Variants in USH2A observed in about 807,000 individuals in gnomAD.
USH2A encodes the protein usherin.
Under a neutral mutation model 538.9 loss-of-function variants are expected in USH2A, and 443 were observed. That is an observed-to-expected ratio of 0.82 (90% CI 0.76 to 0.89). The LOEUF (loss-of-function observed/expected upper bound fraction) is 0.89, where lower values mean the gene tolerates loss of function less well. Ranked by LOEUF, USH2A falls within the 40% of genes least tolerant of loss-of-function variation. USH2A has a pLI of 0.00. For missense variants in USH2A, 6,633 were observed against 6,324.8 expected, an observed-to-expected ratio of 1.05 and a Z score of -1.65; for synonymous variants, 2,413 against 2,273.5, an observed-to-expected ratio of 1.06 and a Z score of -1.75.
chr1:215,679,517 A>T (rs543453380), intron 62 of USH2A, among the ~76,000 whole-genome samples: 1 of 152,196 alleles, frequency 6.6e-6, no homozygotes, highest in Non-Finnish European at 1.5e-5. Context: ...GAGGTAGATG[A>T]AGGCTGGTTT....
intron 3 of USH2A, among the ~76,000 whole-genome samples, chr1:216,392,413 C>T (rs2039126597): frequency 6.6e-6 from 1 of 150,784 alleles, no homozygotes; most frequent in Admixed American, 6.6e-5. Context: ...AATGGCATGA[C>T]CCCAAGAGGC....
intron 4 of USH2A, among the ~76,000 whole-genome samples, chr1:216,339,187 T>C (rs908927170): frequency 6.6e-6 from 1 of 151,594 alleles, no homozygotes; most frequent in South Asian, 2.1e-4. Context: ...CTAAAATGAA[T>C]GAACAAAATA....
chr1:215,949,949 GA>G (rs1472553694), intron 37 of USH2A, among the ~76,000 whole-genome samples: 1 of 152,038 alleles, frequency 6.6e-6, no homozygotes, highest in Non-Finnish European at 1.5e-5. Context: ...AGAACATATG[GA>G]AAATGTTTGG....
At chr1:216,135,017 G>A (rs956273979) in intron 21 of USH2A, among the ~76,000 whole-genome samples, 4 of 152,064 alleles carry the variant, frequency 2.6e-5, no homozygotes, top group Non-Finnish European at 5.9e-5. Flanking sequence ...CAGAATAGCT[G>A]TAGTTGATTC....
At chr1:216,086,693 CATATA>C in intron 24 of USH2A, 21 bp downstream of exon 24, 1 of 1,524,174 alleles carries the variant, frequency 6.6e-7, no homozygotes, top group African/African-American at 1.4e-5. Flanking sequence ...TGGATGACAA[CATATA>C]ATATACCTTA....
At chr1:216,354,314 G>T (rs1326578315) in intron 4 of USH2A, among the ~76,000 whole-genome samples, 1 of 152,074 alleles carries the variant, frequency 6.6e-6, no homozygotes, top group Admixed American at 6.6e-5. Context: ...TTTACGCAAA[G>T]TGTTTATCAT....
Position 215,673,502 on chromosome 1 carries a change from A to G in USH2A, c.13811+598T>C, listed in dbSNP as rs560467157. Among the ~76,000 whole-genome samples, 3 of 152,346 alleles carry G rather than the reference A, an allele frequency of 2.0e-5. No homozygotes were observed. The East Asian group carries it at 5.8e-4, about 29-fold the overall frequency. On this transcript the variant is annotated intron_variant, in intron 63 of 71. Transcript: ENST00000307340. ...GATTCTTTTGTGTGGAGAACAACGC[A>G]CTTCCATGCATGTCACAGAGCCCAG...
At chr1:215,632,236 T>A (rs1302602222) in intron 70 of USH2A, among the ~76,000 whole-genome samples, 1 of 152,060 alleles carries the variant, frequency 6.6e-6, no homozygotes. Context: ...CCCAGACTTC[T>A]TGAGGTTCTG....
At position 215,899,932 on chromosome 1, in the gene USH2A, C is replaced by T. The variant is rs74605223; in HGVS notation, c.7594+143G>A. The T allele has an allele frequency of 6.3e-3, 7,672 of 1,209,250 alleles. 387 individuals carry two copies. The African/African-American group carries it at 0.1, about 16-fold the overall frequency. 74.9% of individuals were successfully genotyped at this position (1,209,250 alleles called of 1,614,324 possible). A position where few individuals can be genotyped will look rare whatever the true frequency, so the allele number is the denominator to read the frequency against. On this transcript the variant is annotated intron_variant, in intron 40 of 71. Coordinates refer to ENST00000307340, the MANE Select transcript of USH2A (RefSeq NM_206933.4). ...TCTGGAGAGACTGACCACCTTTGCTCACTCTCTTGCCCTAGAAAAGGTTAT... is the reference window on the plus strand; with the variant it reads ...TCTGGAGAGACTGACCACCTTTGCTTACTCTCTTGCCCTAGAAAAGGTTAT...
chr1:215,888,624 G>A lies in USH2A; in HGVS notation c.8025C>T (p.Leu2675=). Residue 2675 remains leucine (L), a synonymous_variant, in exon 41 of 72, where the codon CTC becomes CTT. Transcript: ENST00000307340. ...GKEEVTTLVT[L]PRSHSMRFID... The stretch of plus-strand genomic sequence containing the variant: ...TAAACCTCATGGAATGACTCCTCGG[G>A]AGAGTCACCAGGGTAGTAACTTCTT... 6.2e-7 allele frequency: 1 copy of A among 1,614,116 alleles called. No homozygotes were observed. Among genetic ancestry groups the A allele is most frequent in the Non-Finnish European group, 8.5e-7 (1 of 1,180,002 alleles).
chr1:216,385,089 T>TTGCAAAAATTGA (rs1178385475), intron 3 of USH2A, among the ~76,000 whole-genome samples: 2 of 152,140 alleles, frequency 1.3e-5, no homozygotes, highest in Non-Finnish European at 2.9e-5. Context: ...GATGCAAGGT[T>TTGCAAAAATTGA]TGCAAAAATT....
At chr1:215,862,970 A>G (rs1373561171) in intron 44 of USH2A, among the ~76,000 whole-genome samples, 1 of 152,188 alleles carries the variant, frequency 6.6e-6, no homozygotes, top group African/African-American at 2.4e-5. Context: ...AGAATTTGAA[A>G]CCTTGAGTAT....
chr1:215,845,761 G>A (rs1483352466), intron 45 of USH2A, 63 bp downstream of exon 45: 51 of 1,558,252 alleles, frequency 3.3e-5, no homozygotes, highest in Non-Finnish European at 4.1e-5. Context: ...TCTCAACCCC[G>A]GCAAGAATCA....
chr1:216,140,271 C>G (rs559456380), intron 21 of USH2A, among the ~76,000 whole-genome samples: 1 of 152,228 alleles, frequency 6.6e-6, no homozygotes, highest in Non-Finnish European at 1.5e-5. Flanking sequence ...GTCTCTTATG[C>G]TTTCCAGGGG....
intron 21 of USH2A, among the ~76,000 whole-genome samples, chr1:216,105,964 GT>G (rs2032720335): frequency 6.6e-6 from 1 of 151,244 alleles, no homozygotes; most frequent in Admixed American, 6.6e-5. Context: ...TCATTTATTA[GT>G]TTTAACACTT....
intron 11 of USH2A, among the ~76,000 whole-genome samples, chr1:216,281,865 G>GTTTTTTTTTTTTTTTTTTTTTTT (rs766030449): frequency 1.0e-5 from 1 of 96,480 alleles, no homozygotes; most frequent in Non-Finnish European, 1.9e-5. Flanking sequence ...GTTTTTGTCT[G>GTTTTTTTTTTTTTTTTTTTTTTT]TTTTTTTTTT....
intron 59 of USH2A, among the ~76,000 whole-genome samples, chr1:215,742,091 A>G (rs1660321458): frequency 6.6e-6 from 1 of 152,210 alleles, no homozygotes; most frequent in Non-Finnish European, 1.5e-5. Context: ...TTTCACGTTT[A>G]TCAGGTGAAG....
At chr1:216,068,024 C>T (rs1174146998) in intron 30 of USH2A, among the ~76,000 whole-genome samples, 4 of 152,140 alleles carry the variant, frequency 2.6e-5, no homozygotes, top group African/African-American at 9.6e-5. Flanking sequence ...GAGAACAGGG[C>T]CCCTGGAGAA....
At chr1:215,877,380 T>C (rs1664797955) in intron 43 of USH2A, among the ~76,000 whole-genome samples, 1 of 152,196 alleles carries the variant, frequency 6.6e-6, no homozygotes, top group East Asian at 1.9e-4. Flanking sequence ...TTATAATTCA[T>C]TTATAAGCCA....
Sources: allele counts gnomAD v4.1 joint callset (sites outside exome capture counted in the v4.1 genomes callset), GRCh38; gene constraint gnomAD v4.1.1; transcripts MANE v1.5; gene names NCBI Gene and HGNC (gene_info 2026-07-23, HGNC 2026-07-21).